CAST: variants seen among roughly 807,000 people sequenced by gnomAD.
CAST encodes the protein calpastatin.
CAST carries 76 observed loss-of-function variants against 119.6 expected under a neutral mutation model. That is an observed-to-expected ratio of 0.64 (90% CI 0.53 to 0.77). The LOEUF (loss-of-function observed/expected upper bound fraction) is 0.77. Ranked by LOEUF, CAST falls within the 30% of genes least tolerant of loss-of-function variation. The pLI, the probability that CAST is intolerant of heterozygous loss-of-function variation, is 0.00. For synonymous variants in CAST, 319 were observed against 331.6 expected (o/e 0.96, Z 0.41); for missense variants, 953 against 946.5 (o/e 1.01, Z -0.09).
At chr5:96,131,777 T>A in the CAST span, among the ~76,000 whole-genome samples, 1 of 152,176 alleles carries the variant, frequency 6.6e-6, no homozygotes, top group African/African-American at 2.4e-5. Context: ...CAACTTTTGA[T>A]AATTCAGAAA....
chr5:96,623,509 G>A (rs774740828), intron 1 of CAST, among the ~76,000 whole-genome samples: 1 of 152,072 alleles, frequency 6.6e-6, no homozygotes, highest in South Asian at 2.1e-4. Context: ...GAAGGGGAGA[G>A]TGAAGATTAT....
At chr5:96,389,559 A>G in the CAST span, among the ~76,000 whole-genome samples, 1 of 152,312 alleles carries the variant, frequency 6.6e-6, no homozygotes, top group East Asian at 1.9e-4. Context: ...GAGAAAGGTC[A>G]GATTCTGAGA....
intron 20 of CAST, among the ~76,000 whole-genome samples, chr5:96,753,852 G>A (rs1421105433): frequency 6.6e-6 from 1 of 152,112 alleles, no homozygotes; most frequent in Non-Finnish European, 1.5e-5. Flanking sequence ...CATATAATTT[G>A]CACACAATGT....
the CAST span, among the ~76,000 whole-genome samples, chr5:96,049,632 G>C: frequency 6.6e-6 from 1 of 151,998 alleles, no homozygotes; most frequent in African/African-American, 2.4e-5. Flanking sequence ...GAGAAAACAG[G>C]AAAAGTCCAG....
chr5:96,053,957 A>G, the CAST span, among the ~76,000 whole-genome samples: 3 of 152,270 alleles, frequency 2.0e-5, no homozygotes, highest in East Asian at 5.8e-4. Flanking sequence ...TGGCAGCTCA[A>G]AGGGGATCAT....
chr5:96,461,040 C>T, the CAST span, among the ~76,000 whole-genome samples: 1 of 152,120 alleles, frequency 6.6e-6, no homozygotes, highest in African/African-American at 2.4e-5. Context: ...CCTCCTCCTC[C>T]AGCTTCCGGC....
intron 1 of CAST, among the ~76,000 whole-genome samples, chr5:96,553,507 C>T (rs1746175640): frequency 6.6e-6 from 1 of 151,920 alleles, no homozygotes; most frequent in Non-Finnish European, 1.5e-5. Flanking sequence ...CACAAGGATG[C>T]CCTCTCTCAC....
the CAST span, among the ~76,000 whole-genome samples, chr5:96,359,759 C>T: frequency 6.6e-6 from 1 of 152,176 alleles, no homozygotes; most frequent in Non-Finnish European, 1.5e-5. Flanking sequence ...TCTGTCTGCC[C>T]TTAACATTTT....
the CAST span, among the ~76,000 whole-genome samples, chr5:96,400,848 G>A: frequency 7.0e-5 from 9 of 129,296 alleles, no homozygotes; most frequent in African/African-American, 2.0e-4. Flanking sequence ...AGCACTTTGG[G>A]AGGCCGAGGC....
the CAST span, among the ~76,000 whole-genome samples, chr5:96,332,393 T>C: frequency 6.6e-6 from 1 of 152,068 alleles, no homozygotes; most frequent in Non-Finnish European, 1.5e-5. Context: ...GGAATACTTT[T>C]CTTTCTTTAA....
chr5:96,585,756 T>C (rs1205426769), intron 1 of CAST, among the ~76,000 whole-genome samples: 1 of 152,142 alleles, frequency 6.6e-6, no homozygotes, highest in Non-Finnish European at 1.5e-5. Flanking sequence ...CAAACACACA[T>C]ATTTTAAAAC....
chr5:96,671,588 TC>T (rs894433505), intron 1 of CAST, among the ~76,000 whole-genome samples: 8 of 152,158 alleles, frequency 5.3e-5, no homozygotes, highest in African/African-American at 1.9e-4. Context: ...CAGTGGGTAC[TC>T]CCTAGAGCTG....
the CAST span, among the ~76,000 whole-genome samples, chr5:95,973,910 G>A: frequency 6.6e-6 from 1 of 151,942 alleles, no homozygotes; most frequent in South Asian, 2.1e-4. Flanking sequence ...TATACTTCTT[G>A]TAGCCTTTCC....
chr5:96,686,794 A>G (rs1407017164), intron 2 of CAST, among the ~76,000 whole-genome samples: 2 of 152,188 alleles, frequency 1.3e-5, no homozygotes, highest in East Asian at 1.9e-4. Flanking sequence ...AAAAATATTC[A>G]TGTTACTTGT....
chr5:96,545,047 CCAAG>C (rs1745985659), intron 1 of CAST, among the ~76,000 whole-genome samples: 1 of 152,130 alleles, frequency 6.6e-6, no homozygotes, highest in East Asian at 1.9e-4. Flanking sequence ...GGTCAATTCT[CCAAG>C]AAAATACACC....
chr5:96,631,451 G>A (rs1477551069), intron 1 of CAST, among the ~76,000 whole-genome samples: 2 of 140,336 alleles, frequency 1.4e-5, no homozygotes, highest in Non-Finnish European at 1.6e-5. Context: ...TCCTTTTTAT[G>A]ATTAAATAAC....
the CAST span, among the ~76,000 whole-genome samples, chr5:96,042,336 A>G: frequency 1.3e-5 from 2 of 152,202 alleles, no homozygotes. Context: ...GGTCTCTTGC[A>G]ATGGAAAAAG....
Position 96,751,523 on chromosome 5 carries a change from G to A in CAST, c.1524+841G>A, listed in dbSNP as rs534329190. On this transcript the variant is annotated intron_variant, in intron 20 of 31. Coordinates refer to ENST00000675179, the MANE Select transcript of CAST (RefSeq NM_001750.7). The stretch of plus-strand genomic sequence containing the variant: ...AAAGATATGGCCCCTGCTCTCAGCT[G>A]TCTTCAAGACTAGTGTGGATATGAG... Among the ~76,000 whole-genome samples, 39 of 152,282 alleles carry A rather than the reference G, an allele frequency of 2.6e-4. No individual in the cohort carries two copies. The South Asian group carries it at 7.2e-3, about 28-fold the overall frequency.
At chr5:96,618,063 G>A (rs1400759328) in intron 1 of CAST, among the ~76,000 whole-genome samples, 1 of 152,112 alleles carries the variant, frequency 6.6e-6, no homozygotes, top group Non-Finnish European at 1.5e-5. Context: ...GCCAGTGGCA[G>A]GAGCTTGGCT....
Sources: allele counts gnomAD v4.1 joint callset (sites outside exome capture counted in the v4.1 genomes callset), GRCh38; gene constraint gnomAD v4.1.1; transcripts MANE v1.5; gene names NCBI Gene and HGNC (gene_info 2026-07-23, HGNC 2026-07-21).